The following STPG1 variants were observed in gnomAD, a reference collection of about 807,000 sequenced individuals.
The protein encoded by STPG1 is sperm tail PG-rich repeat containing 1.
In STPG1, 33 loss-of-function variants were observed where a neutral mutation model predicts 40.1. That is an observed-to-expected ratio of 0.82 (90% CI 0.62 to 1.10). The LOEUF (loss-of-function observed/expected upper bound fraction) is 1.10. STPG1 is among the 50% of genes least tolerant of loss of function. The pLI, the probability that STPG1 is intolerant of heterozygous loss-of-function variation, is 0.00. For missense variants in STPG1, 396 were observed against 415.1 expected (o/e 0.95, Z 0.40); for synonymous variants, 150 against 155.0 (o/e 0.97, Z 0.24).
At chr1:24,407,684 C>T (rs1158884776) in intron 1 of STPG1, among the ~76,000 whole-genome samples, 2 of 152,156 alleles carry the variant, frequency 1.3e-5, no homozygotes, top group East Asian at 3.8e-4. Flanking sequence ...GATCTACCTG[C>T]CTTGGCCTCC....
chr1:24,358,028 G>A lies in STPG1; in HGVS notation c.*515C>T, dbSNP rs1640834443. ...TGGAAAAAGCATCACCTGCCTGCAG[G>A]TAGCTTTCGCCCAGTAGACATACCG... On this transcript the variant is annotated 3_prime_UTR_variant, in exon 9 of 9. Transcript: ENST00000337248. 1.5e-4 allele frequency: 52 copies of A among 356,386 alleles called. No homozygotes were observed. The highest frequency in any genetic ancestry group is 1.0e-3 in the South Asian group (50 of 48,092). 22.1% of individuals were successfully genotyped at this position (356,386 alleles called of 1,614,324 possible).
Position 24,392,127 on chromosome 1 carries a change from C to T in STPG1, c.71-448G>A, listed in dbSNP as rs1038266935. ...CCAAAGAGGTTAGGGAAATCCCAGC[C>T]TGGGGCTGGCTCTCACTTTTCAGGG... On this transcript the variant is annotated intron_variant, in intron 2 of 8. Coordinates refer to ENST00000337248, the MANE Select transcript of STPG1 (RefSeq NM_001199013.2). 5.1e-6 allele frequency: 5 copies of T among 978,818 alleles called. No individual in the cohort carries two copies. In the Admixed American group the frequency reaches 1.8e-4, roughly 36 times the overall value. 60.6% of individuals were successfully genotyped at this position (978,818 alleles called of 1,614,324 possible).
chr1:24,388,993 G>A (rs534188169), intron 3 of STPG1, among the ~76,000 whole-genome samples: 1 of 152,224 alleles, frequency 6.6e-6, no homozygotes, highest in Admixed American at 6.5e-5. Context: ...TGGATCCCCT[G>A]CCCTTTCCAT....
intron 1 of STPG1, among the ~76,000 whole-genome samples, chr1:24,406,681 A>G (rs1014592847): frequency 6.6e-6 from 1 of 152,102 alleles, no homozygotes; most frequent in African/African-American, 2.4e-5. Flanking sequence ...TACCTCTCCC[A>G]AGAACTTTTA....
At chr1:24,397,110 A>G (rs1485543425) in intron 2 of STPG1, among the ~76,000 whole-genome samples, 1 of 152,204 alleles carries the variant, frequency 6.6e-6, no homozygotes, top group Non-Finnish European at 1.5e-5. Context: ...GGTCATTATG[A>G]GCAGTCAGCT....
intron 3 of STPG1, among the ~76,000 whole-genome samples, chr1:24,386,384 G>A (rs1301758625): frequency 6.6e-6 from 1 of 152,218 alleles, no homozygotes; most frequent in Admixed American, 6.5e-5. Flanking sequence ...TGTTCTTAGT[G>A]AGCAAAAAGA....
chr1:24,408,207 C>T (rs556969185), intron 1 of STPG1, among the ~76,000 whole-genome samples: 70 of 152,308 alleles, frequency 4.6e-4, no homozygotes, highest in South Asian at 8.3e-4. Context: ...AATAATTTAT[C>T]CCCACTACTA....
Position 24,357,245 on chromosome 1 carries a change from A to ACGAGGTGAT in STPG1, c.*1289_*1297dup, listed in dbSNP as rs1553175184. 1 of 152,250 alleles carries ACGAGGTGAT rather than the reference A, an allele frequency of 6.6e-6. No individual in the cohort carries two copies. The highest frequency in any genetic ancestry group is 2.4e-5 in the African/African-American group (1 of 41,468). 9.4% of individuals were successfully genotyped at this position (152,250 alleles called of 1,614,324 possible). A position where few individuals can be genotyped will look rare whatever the true frequency, so the allele number is the denominator to read the frequency against. On this transcript the variant is annotated 3_prime_UTR_variant, in exon 9 of 9. Coordinates refer to ENST00000337248, the MANE Select transcript of STPG1 (RefSeq NM_001199013.2). ...GCTGTGACGCACCCTTGATGTCAGA[A>ACGAGGTGAT]CGAGGTGATGTGTGAAGGTTAAATG... is the stretch of plus-strand genomic sequence containing the variant.
rs11249092 is a variant in STPG1, at chr1:24,358,238, G to A, written c.*305C>T. On this transcript the variant is annotated 3_prime_UTR_variant, in exon 9 of 9. Coordinates refer to ENST00000337248, the MANE Select transcript of STPG1 (RefSeq NM_001199013.2). ...TCCCTTCAGTCTGCGGCAGGGAGTC[G>A]TGCCGGAAGGCAGCCTGGATGGGTG... 0.12 allele frequency: 69,281 copies of A among 596,416 alleles called. 4,844 individuals carry two copies. The highest frequency in any genetic ancestry group is 0.15 in the Non-Finnish European group (47,117 of 317,276). 36.9% of individuals were successfully genotyped at this position (596,416 alleles called of 1,614,324 possible). A position where few individuals can be genotyped will look rare whatever the true frequency, so the allele number is the denominator to read the frequency against.
At chr1:24,406,009 GT>G (rs1257557906) in intron 1 of STPG1, among the ~76,000 whole-genome samples, 1 of 152,028 alleles carries the variant, frequency 6.6e-6, no homozygotes, top group African/African-American at 2.4e-5. Context: ...TTAGGTCCTG[GT>G]TTTTAATCTA....
intron 1 of STPG1, among the ~76,000 whole-genome samples, chr1:24,405,788 G>A (rs1052187718): frequency 4.0e-5 from 6 of 149,182 alleles, no homozygotes; most frequent in African/African-American, 1.5e-4. Flanking sequence ...TTTAGCCCTG[G>A]TAATATTCCT....
chr1:24,389,177 A>T (rs1196092835), intron 3 of STPG1, among the ~76,000 whole-genome samples: 1 of 152,194 alleles, frequency 6.6e-6, no homozygotes. Context: ...TTTAGTCAAA[A>T]ACGTTCTGAG....
chr1:24,382,211 C>T lies in STPG1; in HGVS notation c.291+1691G>A, dbSNP rs556496911. 1.9e-4 allele frequency among the ~76,000 whole-genome samples: 29 copies of T among 152,314 alleles called. No individual in the cohort carries two copies. In the South Asian group the frequency reaches 5.4e-3, roughly 28 times the overall value. On this transcript the variant is annotated intron_variant, in intron 4 of 8. Transcript: ENST00000337248. ...GTTACCGCACGCAAAGCCTTGTAGACAACCAATCGTGTCCTCTGATTCAGT... is the reference window on the plus strand; with the variant it reads ...GTTACCGCACGCAAAGCCTTGTAGATAACCAATCGTGTCCTCTGATTCAGT...
Position 24,401,449 on chromosome 1 carries a change from C to G in STPG1, c.-61G>C. ...ATGAAAAGTTCTACTGCATGTTCTC[C>G]TAAGCACCTGAAACAGCAAAACACA... On this transcript the variant is annotated 5_prime_UTR_variant, in exon 2 of 9. Coordinates refer to ENST00000337248, the MANE Select transcript of STPG1 (RefSeq NM_001199013.2). 1 of 1,446,868 alleles carries G rather than the reference C, an allele frequency of 6.9e-7. No individual in the cohort carries two copies. Among genetic ancestry groups the G allele is most frequent in the South Asian group, 1.2e-5 (1 of 86,394 alleles). The allele number at this position is 1,446,868 out of a possible 1,614,324, so 89.6% of individuals were successfully genotyped here.
At chr1:24,383,751 T>C (rs1642385616) in intron 4 of STPG1, 151 bp downstream of exon 4, 1 of 600,182 alleles carries the variant, frequency 1.7e-6, no homozygotes, top group Admixed American at 2.8e-5. Context: ...GGGTCCAATT[T>C]ACTTGCATGA....
intron 2 of STPG1, among the ~76,000 whole-genome samples, chr1:24,393,830 A>T (rs746588242): frequency 6.6e-6 from 1 of 152,226 alleles, no homozygotes; most frequent in Non-Finnish European, 1.5e-5. Flanking sequence ...AGAGAAGCAA[A>T]GTAAATGAGG....
rs1363397099 is a variant in STPG1, at chr1:24,358,182, C to A, written c.*361G>T. On this transcript the variant is annotated 3_prime_UTR_variant, in exon 9 of 9. Transcript: ENST00000337248. ...CAGGCTTGGCCACCTTCAGGGTGGA[C>A]TGATCCTCCTTGAAGTCTGCGCTTC... 1.9e-6 allele frequency: 1 copy of A among 514,038 alleles called. No homozygotes were observed. The highest frequency in any genetic ancestry group is 3.8e-6 in the Non-Finnish European group (1 of 265,312). The allele number at this position is 514,038 out of a possible 1,614,324, so 31.8% of individuals were successfully genotyped here. A position where few individuals can be genotyped will look rare whatever the true frequency, so the allele number is the denominator to read the frequency against.
At chr1:24,377,032 G>A (rs1316983289) in intron 5 of STPG1, among the ~76,000 whole-genome samples, 4 of 151,928 alleles carry the variant, frequency 2.6e-5, no homozygotes, top group Non-Finnish European at 4.4e-5. Context: ...AGGCCGAGGT[G>A]GATGGATTAC....
rs1640981556 is a variant in STPG1 at position 24,359,882 on chromosome 1, A to G, written c.928+969T>C. ...CCCACTGGACTGAGTCCCTCATGAT[A>G]TTAGCTCCCAGGTAGATCCCAGATG... On this transcript the variant is annotated intron_variant, in intron 8 of 8. Transcript: ENST00000337248. This position sits in a 1 kb window ranked among gnomAD's most constrained non-coding sequence, Gnocchi z 5.3. Among the ~76,000 whole-genome samples, 1 of 152,192 alleles carries G rather than the reference A, an allele frequency of 6.6e-6. No individual in the cohort carries two copies. The highest frequency in any genetic ancestry group is 1.5e-5 in the Non-Finnish European group (1 of 68,026).
Sources: allele counts gnomAD v4.1 joint callset (sites outside exome capture counted in the v4.1 genomes callset), GRCh38; gene constraint gnomAD v4.1.1; non-coding constraint Gnocchi (gnomAD v3.1); transcripts MANE v1.5; gene names NCBI Gene and HGNC (gene_info 2026-07-23, HGNC 2026-07-21).